POLR3B: variants seen among roughly 807,000 people sequenced by gnomAD.
The protein encoded by POLR3B is RNA polymerase III subunit B, also known as DNA-directed RNA polymerase III subunit RPC2.
POLR3B carries 96 observed loss-of-function variants against 147.4 expected under a neutral mutation model. The ratio of observed to expected loss-of-function variants is 0.65; its 90% CI spans 0.55 to 0.77. The LOEUF (loss-of-function observed/expected upper bound fraction) is 0.77. Among genes scored for constraint, POLR3B ranks in the 30% least tolerant of loss-of-function variants. The pLI, the probability that POLR3B is intolerant of heterozygous loss-of-function variation, is 0.00. For missense variants in POLR3B, 1,036 were observed against 1,413.5 expected, an observed-to-expected ratio of 0.73 and a Z score of 4.28; for synonymous variants, 461 against 485.9, an observed-to-expected ratio of 0.95 and a Z score of 0.67.
intron 19 of POLR3B, among the ~76,000 whole-genome samples, chr12:106,450,288 A>G (rs2137023374): frequency 6.6e-6 from 1 of 152,336 alleles, no homozygotes; most frequent in South Asian, 2.1e-4. Flanking sequence ...GAAGAAGGAA[A>G]CCTAGGTGAA....
At chr12:106,385,858 G>GGAT (rs141827651) in intron 9 of POLR3B, among the ~76,000 whole-genome samples, 2 of 152,108 alleles carry the variant, frequency 1.3e-5, no homozygotes, top group African/African-American at 4.8e-5. Context: ...TTTCTTTTCA[G>GGAT]GATGATGATG....
chr12:106,471,770 G>A (rs897708355), intron 23 of POLR3B, among the ~76,000 whole-genome samples: 4 of 152,154 alleles, frequency 2.6e-5, no homozygotes, highest in Non-Finnish European at 5.9e-5. Flanking sequence ...GGGAAGTGAC[G>A]GAGGTAGATT....
rs79847756 is a variant in POLR3B at position 106,392,655 on chromosome 12, G to A, written c.724-376G>A. On this transcript the variant is annotated intron_variant, in intron 9 of 27. Transcript: ENST00000228347. ...TGGGGTTCTGCTTATTTTCAGCAAT[G>A]CATCTTTTCTGATTCACTGCCTTTT... is the stretch of plus-strand genomic sequence containing the variant. Among the ~76,000 whole-genome samples the A allele has an allele frequency of 6.8e-3, 1,039 of 152,290 alleles. 17 individuals are homozygous for A. The highest frequency in any genetic ancestry group is 0.024 in the African/African-American group (999 of 41,558).
At chr12:106,432,538 T>A in intron 15 of POLR3B, 58 bp downstream of exon 15, 1 of 1,277,914 alleles carries the variant, frequency 7.8e-7, no homozygotes, top group Non-Finnish European at 1.1e-6. Flanking sequence ...GGGGAGGGAA[T>A]CCATTATTAT....
chr12:106,502,810 TA>T (rs1320732551), intron 26 of POLR3B, among the ~76,000 whole-genome samples: 4 of 152,212 alleles, frequency 2.6e-5, no homozygotes, highest in Non-Finnish European at 5.9e-5. Context: ...GTTTCTCCCC[TA>T]AATGCTGTCC....
At chr12:106,474,864 T>C (rs964526364) in intron 23 of POLR3B, among the ~76,000 whole-genome samples, 33 of 151,884 alleles carry the variant, frequency 2.2e-4, no homozygotes, top group Non-Finnish European at 3.8e-4. Flanking sequence ...TCTCTATTTC[T>C]TTCAGTTCTG....
In POLR3B at chr12:106,368,305, A is replaced by C. The variant is rs971018143; in HGVS notation, c.228-970A>C. Among the ~76,000 whole-genome samples, 18 of 151,990 alleles carry C rather than the reference A, an allele frequency of 1.2e-4. 1 individual carries two copies. Among genetic ancestry groups the C allele is most frequent in the Non-Finnish European group, 1.8e-4 (12 of 68,008 alleles). On this transcript the variant is annotated intron_variant, in intron 4 of 27. Transcript: ENST00000228347. ...AGTATTTAGATTCCAAGACATGGAC[A>C]CTAAGATTTCAGCAGGTAGAGCTCA...
At chr12:106,439,324 C>CTA (rs1329685027) in intron 18 of POLR3B, among the ~76,000 whole-genome samples, 2 of 152,148 alleles carry the variant, frequency 1.3e-5, no homozygotes, top group Non-Finnish European at 2.9e-5. Flanking sequence ...TTACACTGAG[C>CTA]TATGATTGTG....
chr12:106,391,190 G>C (rs925537790), intron 9 of POLR3B, among the ~76,000 whole-genome samples: 12 of 152,274 alleles, frequency 7.9e-5, no homozygotes, highest in African/African-American at 2.6e-4. Flanking sequence ...ATTGGCTGTT[G>C]GTAAGAGGAC....
intron 27 of POLR3B, among the ~76,000 whole-genome samples, chr12:106,507,239 A>T (rs2038702381): frequency 6.6e-6 from 1 of 152,202 alleles, no homozygotes; most frequent in African/African-American, 2.4e-5. Flanking sequence ...AAAGCCGTTC[A>T]TTTTATTGTT....
chr12:106,504,282 CCA>C lies in POLR3B; in HGVS notation c.3272+32_3272+33del. On this transcript the variant is annotated intron_variant, in intron 27 of 27. Coordinates refer to ENST00000228347, the MANE Select transcript of POLR3B (RefSeq NM_018082.6). This position sits in a 1 kb window ranked among gnomAD's most constrained non-coding sequence, Gnocchi z 4.6. ...AAGTGGATACCATATGTCTCCCATA[CCA>C]CACCCCTTGCCTCTTAAATCACAGC... is the stretch of plus-strand genomic sequence containing the variant. 3 of 1,573,740 alleles carry C rather than the reference CCA, an allele frequency of 1.9e-6. No homozygotes were observed.
At chr12:106,466,977 G>T (rs913514031) in intron 23 of POLR3B, among the ~76,000 whole-genome samples, 1 of 151,956 alleles carries the variant, frequency 6.6e-6, no homozygotes, top group Non-Finnish European at 1.5e-5. Context: ...AGTTTTCTCT[G>T]GTTCTGTGAA....
chr12:106,437,343 C>T (rs562825034), intron 17 of POLR3B, among the ~76,000 whole-genome samples: 1 of 152,270 alleles, frequency 6.6e-6, no homozygotes, highest in East Asian at 1.9e-4. Context: ...TCAGTTAGTA[C>T]ACAAGTAAGT....
At chr12:106,401,335 G>A (rs1223206175) in intron 10 of POLR3B, among the ~76,000 whole-genome samples, 1 of 152,142 alleles carries the variant, frequency 6.6e-6, no homozygotes, top group Non-Finnish European at 1.5e-5. Flanking sequence ...ATAATCAATA[G>A]CTTACCAACT....
Position 106,509,768 on chromosome 12 carries a change from G to A in POLR3B, c.*219G>A. On this transcript the variant is annotated 3_prime_UTR_variant, in exon 28 of 28. Coordinates refer to ENST00000228347, the MANE Select transcript of POLR3B (RefSeq NM_018082.6). ...GCCATGGGAGAGATGCTGACCATGTGGACTGCAAGGCTGCTTGATTCACAG... is the reference window on the plus strand; with the variant it reads ...GCCATGGGAGAGATGCTGACCATGTAGACTGCAAGGCTGCTTGATTCACAG... The A allele has an allele frequency of 2.1e-6, 1 of 478,858 alleles. No homozygotes were observed. Among genetic ancestry groups the A allele is most frequent in the Non-Finnish European group, 3.8e-6 (1 of 260,886 alleles). The allele number at this position is 478,858 out of a possible 1,614,324, so 29.7% of individuals were successfully genotyped here. A position where few individuals can be genotyped will look rare whatever the true frequency, so the allele number is the denominator to read the frequency against.
chr12:106,509,430 T>G lies in POLR3B; in HGVS notation c.3283T>G (p.Cys1095Gly), dbSNP rs1452370061. The stretch of plus-strand genomic sequence containing the variant: ...TGACTTGCGTTTCAGGTGCCATTAC[T>G]GCAAGTCATCCTGCCACGTGTCTTC... ...LLGYSGWCHYCKSSCHVSSLR... is the reference protein window; with the variant it reads ...LLGYSGWCHYGKSSCHVSSLR... The change falls in exon 28 of 28, where the codon TGC (cysteine) becomes GGC (glycine). Residue 1095 changes from cysteine to glycine, a missense_variant. This residue lies in a region of POLR3B where 69 missense variants were observed against 89.8 expected (regional missense o/e 0.77). Transcript: ENST00000228347. The G allele has an allele frequency of 6.2e-7, 1 of 1,613,838 alleles. No homozygotes were observed. The highest frequency in any genetic ancestry group is 8.5e-7 in the Non-Finnish European group (1 of 1,179,762).
intron 16 of POLR3B, among the ~76,000 whole-genome samples, chr12:106,435,815 T>C (rs576158773): frequency 2.0e-5 from 3 of 152,296 alleles, no homozygotes; most frequent in Non-Finnish European, 4.4e-5. Flanking sequence ...TAGGATTTCA[T>C]TACATCCAAC....
intron 16 of POLR3B, 151 bp downstream of exon 16, chr12:106,434,023 C>T: frequency 1.5e-6 from 1 of 673,864 alleles, no homozygotes; most frequent in Non-Finnish European, 2.5e-6. Flanking sequence ...CATGAATATG[C>T]ATATTAGGTA....
chr12:106,380,875 G>T (rs2036753731), intron 9 of POLR3B, among the ~76,000 whole-genome samples: 1 of 152,216 alleles, frequency 6.6e-6, no homozygotes. Flanking sequence ...GATATTGCTG[G>T]TTTTGTTCCA....
Sources: allele counts gnomAD v4.1 joint callset (sites outside exome capture counted in the v4.1 genomes callset), GRCh38; gene constraint gnomAD v4.1.1; regional missense constraint gnomAD v4.1.1; non-coding constraint Gnocchi (gnomAD v3.1); transcripts MANE v1.5; gene names NCBI Gene and HGNC (gene_info 2026-07-23, HGNC 2026-07-21).